Variants in DCK observed in about 807,000 individuals in gnomAD.
DCK encodes deoxyadenosine kinase.
Under a neutral mutation model 38.3 loss-of-function variants are expected in DCK, and 23 were observed. The ratio of observed to expected loss-of-function variants is 0.60; its 90% CI spans 0.43 to 0.85. The LOEUF is 0.85. Ranked by LOEUF, DCK falls within the 40% of genes least tolerant of loss-of-function variation. The pLI is 0.00. For missense variants in DCK, 259 were observed against 304.4 expected (o/e 0.85, Z 1.11); for synonymous variants, 108 against 100.6 (o/e 1.07, Z -0.44).
intron 2 of DCK, among the ~76,000 whole-genome samples, chr4:71,016,224 A>G (rs992788544): frequency 3.1e-4 from 47 of 152,196 alleles, no homozygotes; most frequent in African/African-American, 9.6e-4. Flanking sequence ...TCCAACTTAC[A>G]AGGGATGTGA....
rs1739700505 is a variant in DCK, at chr4:70,998,082, C to T, written c.107C>T (p.Thr36Ile). 4 of 1,586,518 alleles carry T rather than the reference C, an allele frequency of 2.5e-6. No homozygotes were observed. The highest frequency in any genetic ancestry group is 2.6e-6 in the Non-Finnish European group (3 of 1,162,922). The change falls in exon 2 of 7, where the codon ACA becomes ATA. Residue 36 changes from threonine to isoleucine, a missense_variant. Thr to Ile is a moderately conservative substitution (Grantham distance 89). This residue lies in a region of DCK where 159 missense variants were observed against 159.0 expected (regional missense o/e 1.00). Transcript: ENST00000286648. ...CTCACAACAGCTGCAGGGAAGTCAA[C>T]ATTTGTGAATATCCTTAAACAATTG... ...IEGNIAAGKS[T>I]FVNILKQLCE...
intron 2 of DCK, among the ~76,000 whole-genome samples, chr4:71,009,079 A>T (rs1740023943): frequency 1.3e-5 from 2 of 152,210 alleles, no homozygotes. Context: ...AATACATTGT[A>T]CTCAGGTGAT....
At position 71,028,075 on chromosome 4, in the gene DCK, A is replaced by C. The variant is rs192906002; in HGVS notation, c.757-1277A>C. 5.9e-5 allele frequency among the ~76,000 whole-genome samples: 9 copies of C among 152,324 alleles called. No individual in the cohort carries two copies. The East Asian group carries it at 1.7e-3, about 29-fold the overall frequency. ...ACATTATGGTCAGTAGGCTAGGTTC[A>C]TTGACTCCTTACATGATTTTCTGCA... On this transcript the variant is annotated intron_variant, in intron 6 of 6. Transcript: ENST00000286648.
rs1295560861 is a variant in DCK, at chr4:70,998,386, A to G, written c.207+204A>G. 2.6e-5 allele frequency among the ~76,000 whole-genome samples: 4 copies of G among 152,218 alleles called. No individual in the cohort carries two copies. In the East Asian group the frequency reaches 7.7e-4, roughly 29 times the overall value. ...CAGATTGATATGGATTCAACCAATC[A>G]TGAATAGAAAATATTCAGAAAGAAA... On this transcript the variant is annotated intron_variant, in intron 2 of 6. Coordinates refer to ENST00000286648, the MANE Select transcript of DCK (RefSeq NM_000788.3).
At chr4:71,021,822 G>T (rs1266642613) in intron 2 of DCK, among the ~76,000 whole-genome samples, 3 of 152,118 alleles carry the variant, frequency 2.0e-5, no homozygotes, top group African/African-American at 7.2e-5. Flanking sequence ...CTAACACGGT[G>T]AAACCCCGTC....
rs570618728 is a variant in DCK at position 71,001,008 on chromosome 4, C to T, written c.207+2826C>T. Among the ~76,000 whole-genome samples, 224 of 152,260 alleles carry T rather than the reference C, an allele frequency of 1.5e-3. 2 individuals are homozygous for T. Among genetic ancestry groups the T allele is most frequent in the Middle Eastern group, 3.4e-3 (1 of 294 alleles). On this transcript the variant is annotated intron_variant, in intron 2 of 6. Transcript: ENST00000286648. ...CTTCCTATCTGAATCCCCTTTATTTCTTTCTCTTGCCTGATTGCCCTGGCC... is the reference window on the plus strand; with the variant it reads ...CTTCCTATCTGAATCCCCTTTATTTTTTTCTCTTGCCTGATTGCCCTGGCC...
In DCK at chr4:71,004,235, A is replaced by G. The variant is rs376383933; in HGVS notation, c.207+6053A>G. Among the ~76,000 whole-genome samples, 1,256 of 152,140 alleles carry G rather than the reference A, an allele frequency of 8.3e-3. 9 individuals carry two copies. The highest frequency in any genetic ancestry group is 0.029 in the African/African-American group (1,195 of 41,510). On this transcript the variant is annotated intron_variant, in intron 2 of 6. Transcript: ENST00000286648. Reference sequence around the variant, plus strand: ...GGCCCCTCTGCTGCAAGTCTGCTGGAGTTTGCTGGAGGTCCACTGCAGATC... The same window carrying G: ...GGCCCCTCTGCTGCAAGTCTGCTGGGGTTTGCTGGAGGTCCACTGCAGATC...
intron 2 of DCK, among the ~76,000 whole-genome samples, chr4:71,021,835 T>C (rs560809516): frequency 7.5e-4 from 114 of 152,302 alleles, no homozygotes; most frequent in Non-Finnish European, 1.4e-3. Context: ...ACCCCGTCTC[T>C]ACTAAAAATG....
intron 2 of DCK, among the ~76,000 whole-genome samples, chr4:71,010,163 T>C (rs1332459465): frequency 7.2e-6 from 1 of 138,734 alleles, no homozygotes; most frequent in African/African-American, 3.1e-5. Flanking sequence ...TTTGCTGTTT[T>C]AGCTTTTTTT....
chr4:70,993,909 C>G lies in DCK; in HGVS notation c.74C>G (p.Ser25Cys). The G allele has an allele frequency of 6.2e-7, 1 of 1,613,440 alleles. No homozygotes were observed. Among genetic ancestry groups the G allele is most frequent in the Non-Finnish European group, 8.5e-7 (1 of 1,179,412 alleles). Reference protein sequence around the residue: ...SSEGTRIKKISIEGNIAAGKS... With the variant: ...SSEGTRIKKICIEGNIAAGKS... ...GAGGGGACCCGCATCAAGAAAATCT[C>G]CATCGAAGGGAACATCGGTAAGGAG... Residue 25 changes from serine to cysteine, a missense_variant, in exon 1 of 7, where the codon TCC becomes TGC. Coordinates refer to ENST00000286648, the MANE Select transcript of DCK (RefSeq NM_000788.3).
intron 6 of DCK, among the ~76,000 whole-genome samples, chr4:71,027,251 A>G (rs911988251): frequency 6.6e-6 from 1 of 152,068 alleles, no homozygotes; most frequent in Non-Finnish European, 1.5e-5. Flanking sequence ...ATCTATTTTT[A>G]TGTTGGCCAA....
intron 2 of DCK, among the ~76,000 whole-genome samples, chr4:71,008,639 A>G (rs943476975): frequency 6.6e-6 from 1 of 152,116 alleles, no homozygotes; most frequent in African/African-American, 2.4e-5. Flanking sequence ...ACCAGATTAA[A>G]CCAATGTTGG....
At chr4:70,998,757 C>A (rs148978441) in intron 2 of DCK, among the ~76,000 whole-genome samples, 51 of 152,160 alleles carry the variant, frequency 3.4e-4, no homozygotes, top group African/African-American at 1.2e-3. Flanking sequence ...AATGCCGTCT[C>A]TACTAAAAAT....
chr4:71,022,775 G>C (rs542967642), intron 3 of DCK, among the ~76,000 whole-genome samples: 10 of 152,178 alleles, frequency 6.6e-5, no homozygotes, highest in Non-Finnish European at 1.2e-4. Flanking sequence ...AGAAACTGTT[G>C]GGAATATGGT....
chr4:71,028,149 T>C (rs1376927475), intron 6 of DCK, among the ~76,000 whole-genome samples: 1 of 152,234 alleles, frequency 6.6e-6, no homozygotes, highest in East Asian at 1.9e-4. Context: ...TTCAGAAACA[T>C]GACAAATCTA....
intron 5 of DCK, among the ~76,000 whole-genome samples, chr4:71,026,184 A>G (rs566614922): frequency 6.6e-6 from 1 of 152,204 alleles, no homozygotes; most frequent in South Asian, 2.1e-4. Context: ...TTTAAGTGAT[A>G]AAGTAGGAAT....
chr4:71,022,155 C>T (rs1001267760), intron 2 of DCK, among the ~76,000 whole-genome samples: 1 of 152,118 alleles, frequency 6.6e-6, no homozygotes, highest in Non-Finnish European at 1.5e-5. Context: ...TAGTTTGTAA[C>T]CTCTTGTGAG....
At chr4:71,026,533 A>C in intron 5 of DCK, 132 bp from the exon 6 acceptor site, 2 of 641,042 alleles carry the variant, frequency 3.1e-6, no homozygotes, top group Non-Finnish European at 5.6e-6. Context: ...CAGATGAAGT[A>C]CTGCAAAGTA....
intron 3 of DCK, 121 bp from the exon 4 acceptor site, chr4:71,023,438 G>T: frequency 1.6e-6 from 1 of 642,970 alleles, no homozygotes. Context: ...GTCTTTTTCT[G>T]CTTTCCACGG....
Sources: gnomAD v4.1 joint callset for allele counts (sites outside exome capture counted in the v4.1 genomes callset) on GRCh38, gnomAD v4.1.1 for gene constraint, gnomAD v4.1.1 regional missense constraint, MANE v1.5 for transcripts, NCBI Gene and HGNC (gene_info 2026-07-23, HGNC 2026-07-21) for gene names.